TENT2: variants seen among roughly 807,000 people sequenced by gnomAD.
TENT2 encodes terminal nucleotidyltransferase 2, also known as poly(A) RNA polymerase GLD2.
A neutral mutation model predicts 72.2 loss-of-function variants in TENT2; 44 were observed. The ratio of observed to expected loss-of-function variants is 0.61; its 90% CI spans 0.48 to 0.78. TENT2 has a LOEUF of 0.78. Among genes scored for constraint, TENT2 ranks in the 30% least tolerant of loss-of-function variants. TENT2 has a pLI of 0.00. For missense variants in TENT2, 541 were observed against 569.6 expected (o/e 0.95, Z 0.51); for synonymous variants, 212 against 192.5 (o/e 1.10, Z -0.84).
chr5:79,677,416 A>C (rs1306358753), intron 12 of TENT2, among the ~76,000 whole-genome samples: 2 of 152,170 alleles, frequency 1.3e-5, no homozygotes, highest in African/African-American at 2.4e-5. Flanking sequence ...TAAAATCAGG[A>C]TTTGTTTTAA....
intron 4 of TENT2, among the ~76,000 whole-genome samples, chr5:79,637,436 AG>A (rs1256975733): frequency 6.6e-6 from 1 of 150,704 alleles, no homozygotes; most frequent in East Asian, 2.0e-4. Context: ...ATTTTATTTC[AG>A]TGTTTTTGAG....
chr5:79,652,950 G>A (rs1438914528), intron 10 of TENT2, among the ~76,000 whole-genome samples: 1 of 151,372 alleles, frequency 6.6e-6, no homozygotes, highest in East Asian at 1.9e-4. Context: ...AAATGGAATA[G>A]GATTTCTTAT....
At chr5:79,628,019 G>T (rs1401734713) in intron 4 of TENT2, among the ~76,000 whole-genome samples, 2 of 152,086 alleles carry the variant, frequency 1.3e-5, no homozygotes, top group Non-Finnish European at 2.9e-5. Context: ...CTTGCTCAGG[G>T]TTACAGCTAG....
At chr5:79,634,166 A>AG (rs1778162117) in intron 4 of TENT2, among the ~76,000 whole-genome samples, 1 of 151,616 alleles carries the variant, frequency 6.6e-6, no homozygotes, top group East Asian at 1.9e-4. Context: ...AAAAAAAAAA[A>AG]AAAAAAACTT....
chr5:79,661,971 A>C (rs1290021868), intron 11 of TENT2, among the ~76,000 whole-genome samples: 1 of 152,174 alleles, frequency 6.6e-6, no homozygotes, highest in Non-Finnish European at 1.5e-5. Flanking sequence ...TTGTTTATAC[A>C]CTTAGAAATA....
At chr5:79,657,934 C>T (rs1484912740) in intron 11 of TENT2, among the ~76,000 whole-genome samples, 3 of 152,134 alleles carry the variant, frequency 2.0e-5, no homozygotes, top group Admixed American at 6.5e-5. Context: ...TTTATTGTGT[C>T]ACACAAAATA....
intron 12 of TENT2, among the ~76,000 whole-genome samples, chr5:79,676,180 A>G (rs962736224): frequency 4.0e-5 from 6 of 151,762 alleles, no homozygotes; most frequent in Admixed American, 2.6e-4. Flanking sequence ...ACACACACAC[A>G]CACACACACA....
At chr5:79,683,751 T>TAA (rs535776800) in intron 14 of TENT2, among the ~76,000 whole-genome samples, 1 of 145,708 alleles carries the variant, frequency 6.9e-6, no homozygotes, top group South Asian at 2.2e-4. Context: ...CCGTTTCTAC[T>TAA]AAAAAAAAAA....
intron 4 of TENT2, among the ~76,000 whole-genome samples, chr5:79,629,840 T>C (rs1230523644): frequency 2.7e-5 from 4 of 146,392 alleles, no homozygotes. Context: ...AAAAAAATAA[T>C]AACCATACAT....
At chr5:79,613,409 G>A (rs1756760913) in intron 1 of TENT2, among the ~76,000 whole-genome samples, 1 of 152,178 alleles carries the variant, frequency 6.6e-6, no homozygotes, top group South Asian at 2.1e-4. Flanking sequence ...TAACACATGT[G>A]CAGTGTATGA....
At chr5:79,657,618 G>A (rs1293051818) in intron 11 of TENT2, among the ~76,000 whole-genome samples, 1 of 152,074 alleles carries the variant, frequency 6.6e-6, no homozygotes, top group African/African-American at 2.4e-5. Context: ...GGTTATGTAT[G>A]TATTCATAAT....
chr5:79,618,822 C>T (rs1257884556), intron 1 of TENT2, among the ~76,000 whole-genome samples: 2 of 152,110 alleles, frequency 1.3e-5, no homozygotes, highest in Non-Finnish European at 2.9e-5. Context: ...TTATTATGTT[C>T]TCTTGTTACT....
chr5:79,650,312 T>G (rs1792795549), intron 10 of TENT2, among the ~76,000 whole-genome samples: 1 of 152,142 alleles, frequency 6.6e-6, no homozygotes, highest in African/African-American at 2.4e-5. Flanking sequence ...AACAATTACC[T>G]TCTTCATGAA....
In TENT2 at chr5:79,676,943, C is replaced by A. The variant is rs139412343; in HGVS notation, c.1209-2636C>A. ...AATGAAATATTTAGGGAAGATATTT[C>A]TAAATTACCATTTAAATTCAACTCT... is the stretch of plus-strand genomic sequence containing the variant. On this transcript the variant is annotated intron_variant, in intron 12 of 14. Coordinates refer to ENST00000453514, the MANE Select transcript of TENT2 (RefSeq NM_001114394.3). Among the ~76,000 whole-genome samples the A allele has an allele frequency of 4.4e-3, 665 of 152,240 alleles. 4 individuals carry two copies. The highest frequency in any genetic ancestry group is 0.01 in the Middle Eastern group (3 of 294).
intron 4 of TENT2, among the ~76,000 whole-genome samples, chr5:79,636,894 G>A (rs543008713): frequency 1.3e-5 from 2 of 152,240 alleles, no homozygotes; most frequent in South Asian, 2.1e-4. Flanking sequence ...TTTGTTGATA[G>A]TATGTATGCT....
chr5:79,621,751 C>CGA (rs1554074028), intron 3 of TENT2, among the ~76,000 whole-genome samples: 1 of 132,022 alleles, frequency 7.6e-6, no homozygotes, highest in Non-Finnish European at 1.6e-5. Context: ...GAGCGAGACT[C>CGA]TATCTCAAAA....
intron 12 of TENT2, among the ~76,000 whole-genome samples, chr5:79,672,046 T>C (rs1813325116): frequency 6.6e-6 from 1 of 151,584 alleles, no homozygotes; most frequent in Admixed American, 6.6e-5. Context: ...GGGGTTGCAG[T>C]GAGCTGAGAT....
intron 10 of TENT2, among the ~76,000 whole-genome samples, chr5:79,652,479 C>T (rs1169868626): frequency 6.6e-6 from 1 of 152,006 alleles, no homozygotes; most frequent in Non-Finnish European, 1.5e-5. Context: ...GTTCTCTGTA[C>T]TTCACTATAC....
chr5:79,659,457 G>C (rs1800430664), intron 11 of TENT2, among the ~76,000 whole-genome samples: 1 of 147,280 alleles, frequency 6.8e-6, no homozygotes. Context: ...GCTTGAACCT[G>C]GGAGGCGGAG....
Sources: gnomAD v4.1 joint callset for allele counts (sites outside exome capture counted in the v4.1 genomes callset) on GRCh38, gnomAD v4.1.1 for gene constraint, MANE v1.5 for transcripts, NCBI Gene and HGNC (gene_info 2026-07-23, HGNC 2026-07-21) for gene names.